BNC2: variants seen among roughly 807,000 people sequenced by gnomAD.
The protein encoded by BNC2 is zinc finger protein basonuclin-2.
A neutral mutation model predicts 76.3 loss-of-function variants in BNC2; 20 were observed. The ratio of observed to expected loss-of-function variants is 0.26; its 90% CI spans 0.18 to 0.38. BNC2 has a LOEUF of 0.38. Ranked by LOEUF, BNC2 falls within the 10% of genes least tolerant of loss-of-function variation. The pLI, the probability that BNC2 is intolerant of heterozygous loss-of-function variation, is 1.00. For missense variants in BNC2, 1,382 were observed against 1,399.8 expected (o/e 0.99, Z 0.20); for synonymous variants, 582 against 514.8 (o/e 1.13, Z -1.77).
chr9:16,464,982 T>G (rs10733310), intron 5 of BNC2, among the ~76,000 whole-genome samples: 64,410 of 151,936 alleles, frequency 0.42, 14,118 homozygotes, highest in East Asian at 0.61. Flanking sequence ...TCAGGATGAT[T>G]CAGTGAATTC....
intron 1 of BNC2, among the ~76,000 whole-genome samples, chr9:16,791,921 G>GGGA (rs1817521299): frequency 1.3e-5 from 2 of 152,048 alleles, no homozygotes; most frequent in African/African-American, 4.8e-5. Flanking sequence ...TGGGCAGCAT[G>GGGA]GCAAAACTCC....
chr9:16,770,271 A>G (rs1198577971), intron 1 of BNC2, among the ~76,000 whole-genome samples: 2 of 152,154 alleles, frequency 1.3e-5, no homozygotes, highest in African/African-American at 4.8e-5. Context: ...CTGTGTAGTC[A>G]CAGATATGGG....
intron 1 of BNC2, among the ~76,000 whole-genome samples, chr9:16,772,830 T>C (rs374968895): frequency 3.3e-4 from 50 of 152,166 alleles, no homozygotes; most frequent in African/African-American, 1.9e-4. Context: ...TACAAAATAA[T>C]TGTATATTCT....
intron 1 of BNC2, among the ~76,000 whole-genome samples, chr9:16,832,726 CTTTT>C (rs374753990): frequency 6.7e-6 from 1 of 148,702 alleles, no homozygotes; most frequent in African/African-American, 2.5e-5. Flanking sequence ...ATCCAAATTC[CTTTT>C]TTTTTTCTTT....
intron 1 of BNC2, among the ~76,000 whole-genome samples, chr9:16,855,492 G>A (rs13291000): frequency 0.12 from 18,487 of 152,236 alleles, 1,473 homozygotes; most frequent in South Asian, 0.26. Context: ...CCATGCCTAC[G>A]CCAAATGTAC....
Position 16,780,248 on chromosome 9 carries a change from A to AAC in BNC2, c.4-41764_4-41763insGT, listed in dbSNP as rs1342917906. Among the ~76,000 whole-genome samples the AAC allele has an allele frequency of 2.7e-4, 36 of 133,090 alleles. 1 individual carries two copies. The highest frequency in any genetic ancestry group is 1.6e-3 in the South Asian group (7 of 4,258). 87.3% of individuals were successfully genotyped at this position (133,090 alleles called of 152,430 possible). A position where few individuals can be genotyped will look rare whatever the true frequency, so the allele number is the denominator to read the frequency against. ...AAGACTTCGTTTCAAAAAAAAAAAA[A>AAC]AAAAAAAACAAAAAAAAACTACTGA... is the stretch of plus-strand genomic sequence containing the variant. On this transcript the variant is annotated intron_variant, in intron 1 of 6. Transcript: ENST00000380672.
At chr9:16,663,408 G>A (rs915292239) in intron 3 of BNC2, among the ~76,000 whole-genome samples, 7 of 152,062 alleles carry the variant, frequency 4.6e-5, no homozygotes, top group Non-Finnish European at 8.8e-5. Context: ...GATTACAGGC[G>A]TGAGCTACCA....
At chr9:16,488,132 G>C (rs932348174) in intron 5 of BNC2, among the ~76,000 whole-genome samples, 1 of 152,066 alleles carries the variant, frequency 6.6e-6, no homozygotes, top group East Asian at 1.9e-4. Context: ...TGGCAGTGTG[G>C]GTTACTACAG....
chr9:16,573,553 G>A lies in BNC2; in HGVS notation c.433+9430C>T, dbSNP rs12343482. On this transcript the variant is annotated intron_variant, in intron 4 of 6. Coordinates refer to ENST00000380672, the MANE Select transcript of BNC2 (RefSeq NM_017637.6). ...TAGAGTTGCCTTTACATTTCTTGGC[G>A]AGTAGAATCTAAGGCCCAAGACTGT... Among the ~76,000 whole-genome samples the A allele has an allele frequency of 8.6e-3, 1,310 of 152,052 alleles. 18 individuals carry two copies. Among genetic ancestry groups the A allele is most frequent in the African/African-American group, 0.029 (1,210 of 41,442 alleles).
At chr9:16,725,217 T>TCACACACACACACACACACA (rs4007689) in intron 3 of BNC2, among the ~76,000 whole-genome samples, 1 of 148,162 alleles carries the variant, frequency 6.7e-6, no homozygotes, top group Non-Finnish European at 1.5e-5. Context: ...TCTCTCTCTC[T>TCACACACACACACACACACA]CACACACACA....
At chr9:16,555,059 G>A (rs1045069712) in intron 4 of BNC2, among the ~76,000 whole-genome samples, 5 of 143,608 alleles carry the variant, frequency 3.5e-5, no homozygotes, top group Non-Finnish European at 5.9e-5. Context: ...TCGCTCTGTC[G>A]CCCAGGCTGG....
intron 3 of BNC2, among the ~76,000 whole-genome samples, chr9:16,634,936 T>C (rs1821279488): frequency 6.6e-6 from 1 of 152,158 alleles, no homozygotes; most frequent in Non-Finnish European, 1.5e-5. Flanking sequence ...TTTCCTTACA[T>C]ATTCCATTAT....
At chr9:16,587,781 T>C (rs1174242805) in intron 3 of BNC2, among the ~76,000 whole-genome samples, 1 of 152,136 alleles carries the variant, frequency 6.6e-6, no homozygotes, top group Admixed American at 6.6e-5. Flanking sequence ...GCTTCCCTCC[T>C]TCCAAGTCCT....
At chr9:16,493,377 C>T (rs985320186) in intron 5 of BNC2, among the ~76,000 whole-genome samples, 3 of 152,020 alleles carry the variant, frequency 2.0e-5, no homozygotes, top group Admixed American at 6.6e-5. Flanking sequence ...AATATTGATA[C>T]AAAAATGATT....
intron 5 of BNC2, among the ~76,000 whole-genome samples, chr9:16,505,986 T>C (rs1409144044): frequency 6.6e-6 from 1 of 152,188 alleles, no homozygotes; most frequent in Non-Finnish European, 1.5e-5. Flanking sequence ...AGCATAATTG[T>C]AGCTTTCTGG....
chr9:16,766,086 A>C (rs1276528868), intron 1 of BNC2, among the ~76,000 whole-genome samples: 1 of 152,124 alleles, frequency 6.6e-6, no homozygotes, highest in Non-Finnish European at 1.5e-5. Flanking sequence ...CGCGCCCGGC[A>C]CTCATAATTT....
At chr9:16,784,356 ATAAAG>A (rs1292247940) in intron 1 of BNC2, among the ~76,000 whole-genome samples, 3 of 152,260 alleles carry the variant, frequency 2.0e-5, no homozygotes, top group Non-Finnish European at 2.9e-5. Context: ...CTAAAAGTAA[ATAAAG>A]TATTTTCAAG....
At chr9:16,830,474 T>C (rs1818555273) in intron 1 of BNC2, among the ~76,000 whole-genome samples, 1 of 152,258 alleles carries the variant, frequency 6.6e-6, no homozygotes, top group Non-Finnish European at 1.5e-5. Context: ...TGATATACTA[T>C]ACTGTGTAGG....
chr9:16,628,274 G>A (rs989010303), intron 3 of BNC2, among the ~76,000 whole-genome samples: 1 of 152,094 alleles, frequency 6.6e-6, no homozygotes, highest in East Asian at 1.9e-4. Context: ...TTCTCAGGGC[G>A]GCTTTGTCTC....
Sources: gnomAD v4.1 joint callset for allele counts (sites outside exome capture counted in the v4.1 genomes callset) on GRCh38, gnomAD v4.1.1 for gene constraint, MANE v1.5 for transcripts, NCBI Gene and HGNC (gene_info 2026-07-23, HGNC 2026-07-21) for gene names.